The following EFL1 variants were observed in gnomAD, a reference collection of about 807,000 sequenced individuals.
EFL1 encodes the protein elongation factor like GTPase 1, also known as elongation factor-like GTPase 1.
EFL1 carries 76 observed loss-of-function variants against 126.7 expected under a neutral mutation model. The observed-to-expected ratio is 0.60, with a 90% CI of 0.50 to 0.73. EFL1 has a LOEUF of 0.73. Ranked by LOEUF, EFL1 falls within the 30% of genes least tolerant of loss-of-function variation. The pLI is 0.00. For missense variants in EFL1, 1,128 were observed against 1,343.2 expected (o/e 0.84, Z 2.50); for synonymous variants, 410 against 448.4 (o/e 0.91, Z 1.08).
intron 3 of EFL1, 118 bp downstream of exon 3, chr15:82,258,970 A>T: frequency 1.1e-6 from 1 of 900,640 alleles, no homozygotes; most frequent in Non-Finnish European, 1.7e-6. Flanking sequence ...GGCAGCTTTT[A>T]GACGCAAGAA....
intron 3 of EFL1, among the ~76,000 whole-genome samples, chr15:82,256,858 ATTGT>A (rs1054955343): frequency 8.3e-4 from 126 of 152,278 alleles, no homozygotes; most frequent in African/African-American, 2.8e-3. Flanking sequence ...ACTATGCTGA[ATTGT>A]TTGTTAATGA....
intron 7 of EFL1, among the ~76,000 whole-genome samples, chr15:82,235,694 C>T (rs1416456446): frequency 6.6e-6 from 1 of 151,936 alleles, no homozygotes; most frequent in African/African-American, 2.4e-5. Context: ...AGGGGACTTC[C>T]TCAACTTGAT....
chr15:82,246,496 A>G (rs1225183564), intron 4 of EFL1, among the ~76,000 whole-genome samples: 1 of 152,086 alleles, frequency 6.6e-6, no homozygotes, highest in Non-Finnish European at 1.5e-5. Flanking sequence ...TAATTGTAGG[A>G]TAACTTTGAC....
chr15:82,147,533 T>A (rs1430950470), intron 18 of EFL1, among the ~76,000 whole-genome samples: 1 of 150,490 alleles, frequency 6.6e-6, no homozygotes, highest in Non-Finnish European at 1.5e-5. Context: ...TCCCAGCTAC[T>A]TGGGAGGCTG....
At chr15:82,251,266 T>TC in intron 4 of EFL1, among the ~76,000 whole-genome samples, 1 of 152,130 alleles carries the variant, frequency 6.6e-6, no homozygotes, top group Non-Finnish European at 1.5e-5. Flanking sequence ...GCAGCCAAGG[T>TC]CAAGGTCACA....
At chr15:82,154,437 G>T (rs1488886968) in intron 17 of EFL1, among the ~76,000 whole-genome samples, 1 of 152,110 alleles carries the variant, frequency 6.6e-6, no homozygotes, top group Non-Finnish European at 1.5e-5. Context: ...CTACCAAAAG[G>T]TAGGCTCTGT....
chr15:82,158,166 T>A (rs185395207), intron 16 of EFL1, among the ~76,000 whole-genome samples: 9 of 152,328 alleles, frequency 5.9e-5, no homozygotes, highest in Admixed American at 2.0e-4. Flanking sequence ...CTAAATCTTA[T>A]AACGAATGTA....
intron 11 of EFL1, among the ~76,000 whole-genome samples, chr15:82,225,841 T>C (rs957249233): frequency 1.1e-4 from 16 of 152,232 alleles, no homozygotes; most frequent in African/African-American, 3.6e-4. Flanking sequence ...TATTAACATA[T>C]GAACATTTTC....
At chr15:82,173,947 T>C (rs373499288) in intron 15 of EFL1, among the ~76,000 whole-genome samples, 1 of 152,084 alleles carries the variant, frequency 6.6e-6, no homozygotes, top group African/African-American at 2.4e-5. Flanking sequence ...CCCAGCACTT[T>C]GGGAGGCCGA....
intron 10 of EFL1, 27 bp downstream of exon 10, chr15:82,228,164 A>G (rs2141312788): frequency 1.3e-6 from 2 of 1,568,680 alleles, no homozygotes; most frequent in Non-Finnish European, 1.7e-6. Flanking sequence ...AAACTATTTC[A>G]TTAAAAACCA....
Position 82,259,082 on chromosome 15 carries a change from A to G in EFL1, c.159+6T>C. 1 of 1,612,916 alleles carries G rather than the reference A, an allele frequency of 6.2e-7. No homozygotes were observed. The highest frequency in any genetic ancestry group is 8.5e-7 in the Non-Finnish European group (1 of 1,179,098). On this transcript the variant is annotated splice_donor_region_variant and intron_variant, in intron 3 of 19. Transcript: ENST00000268206. ...TGCAACAAGTATTTATAAAATAATAACATACCTTGCCTGCTAGGCGGCTGG... is the reference window on the plus strand; with the variant it reads ...TGCAACAAGTATTTATAAAATAATAGCATACCTTGCCTGCTAGGCGGCTGG...
At chr15:82,171,928 C>T (rs1389212932) in intron 15 of EFL1, among the ~76,000 whole-genome samples, 1 of 151,906 alleles carries the variant, frequency 6.6e-6, no homozygotes, top group Non-Finnish European at 1.5e-5. Context: ...CAAAGAGATG[C>T]TTTCAATGTC....
Position 82,203,125 on chromosome 15 carries a change from T to C in EFL1, c.1750+11592A>G, listed in dbSNP as rs371485220. On this transcript the variant is annotated intron_variant, in intron 15 of 19. Transcript: ENST00000268206. ...CACGCCCAGACTGTTCCCTAACTTT[T>C]TGAAGAAAAAACTCGTTAATATTTA... 4.6e-5 allele frequency among the ~76,000 whole-genome samples: 7 copies of C among 152,132 alleles called. No individual in the cohort carries two copies. The South Asian group carries it at 1.0e-3, about 23-fold the overall frequency.
At chr15:82,234,684 T>C (rs2074854796) in intron 7 of EFL1, among the ~76,000 whole-genome samples, 1 of 152,186 alleles carries the variant, frequency 6.6e-6, no homozygotes, top group African/African-American at 2.4e-5. Context: ...AAGCCTTGCA[T>C]TCTAGTCAGC....
intron 12 of EFL1, among the ~76,000 whole-genome samples, chr15:82,222,873 AG>A (rs1211507903): frequency 6.6e-6 from 1 of 152,232 alleles, no homozygotes; most frequent in Non-Finnish European, 1.5e-5. Context: ...AGGAGACCAG[AG>A]GTGAGAATGT....
intron 15 of EFL1, among the ~76,000 whole-genome samples, chr15:82,212,973 C>T (rs1487897240): frequency 1.3e-5 from 2 of 152,174 alleles, no homozygotes; most frequent in African/African-American, 4.8e-5. Context: ...GGCCATCTTG[C>T]TTCTACGGGG....
chr15:82,130,512 A>T lies in EFL1; in HGVS notation c.3224T>A (p.Leu1075Ter). 6.2e-7 allele frequency: 1 copy of T among 1,614,164 alleles called. No individual in the cohort carries two copies. The highest frequency in any genetic ancestry group is 8.5e-7 in the Non-Finnish European group (1 of 1,180,038). ...AGAGTCAGCCTTCTCCCCAAAGTGC[A>T]AGTATTCCTCCTCAGTAGTTGGCAC... ...FWVPTTEEEY[L>*]HFGEKADSEN... Residue 1075 changes from leucine (L) to a stop codon, truncating the protein, a stop_gained, in exon 20 of 20, where the codon TTG becomes TAG. Coordinates refer to ENST00000268206, the MANE Select transcript of EFL1 (RefSeq NM_024580.6). LOFTEE classifies it high-confidence loss of function.
At chr15:82,214,020 C>T (rs751938634) in intron 15 of EFL1, among the ~76,000 whole-genome samples, 37 of 152,268 alleles carry the variant, frequency 2.4e-4, no homozygotes, top group African/African-American at 8.4e-4. Context: ...TTCTAAAAAG[C>T]GGAGAATTCC....
chr15:82,238,130 C>T (rs1193987184), intron 7 of EFL1, among the ~76,000 whole-genome samples, 177 bp downstream of exon 7: 2 of 152,174 alleles, frequency 1.3e-5, no homozygotes, highest in Admixed American at 1.3e-4. Flanking sequence ...TACAGTTCTA[C>T]AAGATGTTAT....
Sources: gnomAD v4.1 joint callset for allele counts (sites outside exome capture counted in the v4.1 genomes callset) on GRCh38, gnomAD v4.1.1 for gene constraint, MANE v1.5 for transcripts, NCBI Gene and HGNC (gene_info 2026-07-23, HGNC 2026-07-21) for gene names.